ST3GAL4: variants seen among roughly 807,000 people sequenced by gnomAD.
ST3GAL4 encodes the protein CMP-N-acetylneuraminate-beta-galactosamide-alpha-2,3-sialyltransferase 4.
Under a neutral mutation model 42.6 loss-of-function variants are expected in ST3GAL4, and 24 were observed. The ratio of observed to expected loss-of-function variants is 0.56; its 90% CI spans 0.41 to 0.79. The LOEUF (loss-of-function observed/expected upper bound fraction) is 0.79. Among genes scored for constraint, ST3GAL4 ranks in the 30% least tolerant of loss-of-function variants. The pLI is 0.00. For missense variants in ST3GAL4, 311 were observed against 430.8 expected (o/e 0.72, Z 2.46); for synonymous variants, 135 against 163.2 (o/e 0.83, Z 1.32).
chr11:126,413,718 G>T lies in ST3GAL4; in HGVS notation c.915+70G>T. On this transcript the variant is annotated intron_variant, in intron 10 of 10. Coordinates refer to ENST00000444328, the MANE Select transcript of ST3GAL4 (RefSeq NM_001254757.2). ...GCAGACAGTCAGAGGGGCACTGGGTGAGTGGGAGCAGTGCTGAGACCCAGA... is the reference window on the plus strand; with the variant it reads ...GCAGACAGTCAGAGGGGCACTGGGTTAGTGGGAGCAGTGCTGAGACCCAGA... The T allele has an allele frequency of 8.2e-6, 13 of 1,593,326 alleles. No individual in the cohort carries two copies. The South Asian group carries it at 1.0e-4, about 13-fold the overall frequency.
At chr11:126,364,212 A>G (rs2135383662) in intron 1 of ST3GAL4, among the ~76,000 whole-genome samples, 1 of 152,006 alleles carries the variant, frequency 6.6e-6, no homozygotes. Context: ...GTGTGTTCCC[A>G]AGCCCCTTAC....
Position 126,384,934 on chromosome 11 carries a change from C to G in ST3GAL4, c.-60-21162C>G. 2 of 984,568 alleles carry G rather than the reference C, an allele frequency of 2.0e-6. No individual in the cohort carries two copies. The highest frequency in any genetic ancestry group is 2.4e-6 in the Non-Finnish European group (2 of 829,202). The allele number at this position is 984,568 out of a possible 1,614,324, so 61.0% of individuals were successfully genotyped here. A position where few individuals can be genotyped will look rare whatever the true frequency, so the allele number is the denominator to read the frequency against. ...GGACAGAGCTTGAATGGAGAGGGGCCGCCTTGTGCCTGGGAAGGGAGGACC... is the reference window on the plus strand; with the variant it reads ...GGACAGAGCTTGAATGGAGAGGGGCGGCCTTGTGCCTGGGAAGGGAGGACC... On this transcript the variant is annotated intron_variant, in intron 1 of 10. Transcript: ENST00000444328. The surrounding 1 kb of genome is among the most constrained non-coding windows in gnomAD (Gnocchi z 5.5).
intron 1 of ST3GAL4, among the ~76,000 whole-genome samples, chr11:126,381,808 T>C (rs1953016582): frequency 4.6e-5 from 7 of 151,740 alleles, no homozygotes; most frequent in Admixed American, 4.6e-4. Flanking sequence ...ACTGAATAAA[T>C]GCCATTAAAA....
rs1952181955 is a variant in ST3GAL4 at position 126,359,719 on chromosome 11, GTTC to G, written c.-61+3882_-61+3884del. On this transcript the variant is annotated intron_variant, in intron 1 of 10. Transcript: ENST00000444328. The surrounding 1 kb of genome is among the most constrained non-coding windows in gnomAD (Gnocchi z 4.8). ...GCTGGGCGGGGCGGGGCAGGACAAG[GTTC>G]TTCTCCCTCCCTCCTTCCCTCCTTC... Among the ~76,000 whole-genome samples, 1 of 146,344 alleles carries G rather than the reference GTTC, an allele frequency of 6.8e-6. No homozygotes were observed. The highest frequency in any genetic ancestry group is 1.5e-5 in the Non-Finnish European group (1 of 67,870).
In ST3GAL4 at chr11:126,376,779, T is replaced by C. The variant is rs1020705976; in HGVS notation, c.-61+20937T>C. Reference sequence around the variant, plus strand: ...CTCTCTGTTACCACCACCAATGTAGTCACTGGGACAAAGAGTCAGGTAGAT... The same window carrying C: ...CTCTCTGTTACCACCACCAATGTAGCCACTGGGACAAAGAGTCAGGTAGAT... On this transcript the variant is annotated intron_variant, in intron 1 of 10. Transcript: ENST00000444328. The surrounding 1 kb of genome is among the most constrained non-coding windows in gnomAD (Gnocchi z 5.1). 4.1e-4 allele frequency: 63 copies of C among 152,346 alleles called. 1 individual carries two copies. Among genetic ancestry groups the C allele is most frequent in the Admixed American group, 4.1e-3 (63 of 15,292 alleles). The allele number at this position is 152,346 out of a possible 1,614,324, so 9.4% of individuals were successfully genotyped here.
rs534388790 is a variant in ST3GAL4 at position 126,393,718 on chromosome 11, C to T, written c.-60-12378C>T. 3.9e-5 allele frequency among the ~76,000 whole-genome samples: 6 copies of T among 152,278 alleles called. No homozygotes were observed. In the East Asian group the frequency reaches 1.2e-3, roughly 29 times the overall value. On this transcript the variant is annotated intron_variant, in intron 1 of 10. Coordinates refer to ENST00000444328, the MANE Select transcript of ST3GAL4 (RefSeq NM_001254757.2). This position sits in a 1 kb window ranked among gnomAD's most constrained non-coding sequence, Gnocchi z 5.9. ...ATAGGAAGTGTGAGCTAGCAGGAAT[C>T]CTGGAGATTTTCTAGCCCAACAGTG...
At chr11:126,401,107 T>C (rs1050802855) in intron 1 of ST3GAL4, among the ~76,000 whole-genome samples, 2 of 151,938 alleles carry the variant, frequency 1.3e-5, no homozygotes, top group Non-Finnish European at 2.9e-5. Flanking sequence ...GCTAGAAAAT[T>C]AGAAATACTA....
intron 1 of ST3GAL4, among the ~76,000 whole-genome samples, chr11:126,385,559 A>G (rs947963789): frequency 1.3e-5 from 2 of 152,144 alleles, no homozygotes; most frequent in East Asian, 1.9e-4. Context: ...TGGTTCCACT[A>G]TTTTCGACCT....
chr11:126,366,790 C>A lies in ST3GAL4; in HGVS notation c.-61+10948C>A, dbSNP rs1952445302. Reference sequence around the variant, plus strand: ...GTGAGGGGAGGCGGGAGTGCAAGGTCTGCCGAGTGAGGGTTCCTTCCGGGA... The same window carrying A: ...GTGAGGGGAGGCGGGAGTGCAAGGTATGCCGAGTGAGGGTTCCTTCCGGGA... On this transcript the variant is annotated intron_variant, in intron 1 of 10. Transcript: ENST00000444328. This position sits in a 1 kb window ranked among gnomAD's most constrained non-coding sequence, Gnocchi z 4.2. Among the ~76,000 whole-genome samples the A allele has an allele frequency of 6.6e-6, 1 of 152,184 alleles. No homozygotes were observed. The highest frequency in any genetic ancestry group is 1.5e-5 in the Non-Finnish European group (1 of 68,044).
chr11:126,371,985 C>G (rs1272702044), intron 1 of ST3GAL4, among the ~76,000 whole-genome samples: 1 of 152,236 alleles, frequency 6.6e-6, no homozygotes, highest in East Asian at 1.9e-4. Flanking sequence ...TGAATTTAAT[C>G]TGTGAATTGC....
chr11:126,395,776 A>G (rs1458573511), intron 1 of ST3GAL4, among the ~76,000 whole-genome samples: 1 of 152,102 alleles, frequency 6.6e-6, no homozygotes, highest in Admixed American at 6.5e-5. Context: ...AGGCCTCCCC[A>G]GCCACGTGGA....
At chr11:126,402,598 G>T (rs995225318) in intron 1 of ST3GAL4, among the ~76,000 whole-genome samples, 2 of 152,082 alleles carry the variant, frequency 1.3e-5, no homozygotes, top group Non-Finnish European at 2.9e-5. Flanking sequence ...AAGCCATATC[G>T]CTTTTATGGG....
chr11:126,392,492 G>A lies in ST3GAL4; in HGVS notation c.-60-13604G>A, dbSNP rs925397467. On this transcript the variant is annotated intron_variant, in intron 1 of 10. Transcript: ENST00000444328. This position sits in a 1 kb window ranked among gnomAD's most constrained non-coding sequence, Gnocchi z 5.8. ...AGTGCGCTGGCTCTGCCAGCTCCCA[G>A]TGTGAGCTTCTAGCAAGCCCCTTGT... 2.2e-6 allele frequency: 1 copy of A among 458,482 alleles called. No individual in the cohort carries two copies. Among genetic ancestry groups the A allele is most frequent in the African/African-American group, 2.1e-5 (1 of 47,010 alleles). 28.4% of individuals were successfully genotyped at this position (458,482 alleles called of 1,614,324 possible).
At chr11:126,404,101 T>A (rs1419040255) in intron 1 of ST3GAL4, among the ~76,000 whole-genome samples, 1 of 152,214 alleles carries the variant, frequency 6.6e-6, no homozygotes, top group African/African-American at 2.4e-5. Flanking sequence ...TCAGCCATAA[T>A]CAAGAATATC....
In ST3GAL4 at chr11:126,383,987, C is replaced by T. The variant is rs1377384834; in HGVS notation, c.-60-22109C>T. Among the ~76,000 whole-genome samples the T allele has an allele frequency of 6.6e-6, 1 of 152,180 alleles. No homozygotes were observed. The highest frequency in any genetic ancestry group is 1.5e-5 in the Non-Finnish European group (1 of 68,018). On this transcript the variant is annotated intron_variant, in intron 1 of 10. Transcript: ENST00000444328. This position sits in a 1 kb window ranked among gnomAD's most constrained non-coding sequence, Gnocchi z 4.5. ...GCTTGCTTTTCCTGCCCACCCTCATCTTTGCCGAGTCCTCGTCTGGGGGCC... is the reference window on the plus strand; with the variant it reads ...GCTTGCTTTTCCTGCCCACCCTCATTTTTGCCGAGTCCTCGTCTGGGGGCC...
At chr11:126,370,664 T>G (rs1190300839) in intron 1 of ST3GAL4, among the ~76,000 whole-genome samples, 3 of 152,098 alleles carry the variant, frequency 2.0e-5, no homozygotes, top group African/African-American at 7.2e-5. Flanking sequence ...TTATATTTCT[T>G]CAATCTCCAT....
chr11:126,389,389 G>A (rs1016592204), intron 1 of ST3GAL4, among the ~76,000 whole-genome samples: 1 of 152,088 alleles, frequency 6.6e-6, no homozygotes, highest in Non-Finnish European at 1.5e-5. Context: ...ACATGCCCCT[G>A]TGACCTCTTT....
chr11:126,406,129 C>T lies in ST3GAL4; in HGVS notation c.-27C>T. On this transcript the variant is annotated 5_prime_UTR_variant, in exon 2 of 11. Transcript: ENST00000444328. The surrounding 1 kb of genome is among the most constrained non-coding windows in gnomAD (Gnocchi z 5.4). ...AGGCAGCCGGGATGACAGCTCTCCC[C>T]AGGAATCCTGCTGCCTGCTGAGAAA... The T allele has an allele frequency of 6.4e-7, 1 of 1,552,616 alleles. No individual in the cohort carries two copies. The highest frequency in any genetic ancestry group is 8.7e-7 in the Non-Finnish European group (1 of 1,147,502).
intron 10 of ST3GAL4, 142 bp from the exon 11 acceptor site, chr11:126,413,819 G>C: frequency 7.2e-7 from 1 of 1,385,084 alleles, no homozygotes; most frequent in South Asian, 1.3e-5. Context: ...CAGCCACATG[G>C]GCTTTGTCTT....
Sources: allele counts gnomAD v4.1 joint callset (sites outside exome capture counted in the v4.1 genomes callset), GRCh38; gene constraint gnomAD v4.1.1; non-coding constraint Gnocchi (gnomAD v3.1); transcripts MANE v1.5; gene names NCBI Gene and HGNC (gene_info 2026-07-23, HGNC 2026-07-21).